The following XYLT1 variants were observed in gnomAD, a reference collection of about 807,000 sequenced individuals.
XYLT1 encodes beta-D-xylosyltransferase 1.
Under a neutral mutation model 91.3 loss-of-function variants are expected in XYLT1, and 36 were observed. The ratio of observed to expected loss-of-function variants is 0.39; its 90% CI spans 0.30 to 0.52. The LOEUF (loss-of-function observed/expected upper bound fraction) is 0.52, where lower values mean the gene tolerates loss of function less well. Ranked by LOEUF, XYLT1 falls within the 20% of genes least tolerant of loss-of-function variation. XYLT1 has a pLI of 0.68. For missense variants in XYLT1, 1,242 were observed against 1,284.5 expected (o/e 0.97, Z 0.51); for synonymous variants, 588 against 532.0 (o/e 1.11, Z -1.45).
At chr16:17,239,828 C>T (rs76615358) in intron 3 of XYLT1, among the ~76,000 whole-genome samples, 16,892 of 152,132 alleles carry the variant, frequency 0.11, 1,286 homozygotes, top group Admixed American at 0.23. Flanking sequence ...ATCTGTCTGT[C>T]CAATTCACTT....
At chr16:17,171,168 ATTATTG>A (rs1381079575) in intron 5 of XYLT1, among the ~76,000 whole-genome samples, 1 of 152,146 alleles carries the variant, frequency 6.6e-6, no homozygotes, top group Non-Finnish European at 1.5e-5. Flanking sequence ...GTCAGATCTT[ATTATTG>A]TTATTATTTT....
chr16:17,357,949 A>C (rs916758864), intron 2 of XYLT1, 63 bp downstream of exon 2: 5 of 1,576,976 alleles, frequency 3.2e-6, no homozygotes, highest in Non-Finnish European at 4.3e-6. Context: ...CCACGGGACA[A>C]GTCCCCTTGA....
In XYLT1 at chr16:17,295,813, C is replaced by T. The variant is rs537432183; in HGVS notation, c.403-36315G>A. Among the ~76,000 whole-genome samples the T allele has an allele frequency of 2.9e-4, 44 of 152,246 alleles. No individual in the cohort carries two copies. In the South Asian group the frequency reaches 6.0e-3, roughly 21 times the overall value. On this transcript the variant is annotated intron_variant, in intron 2 of 11. Transcript: ENST00000261381. Reference sequence around the variant, plus strand: ...GCTTAATATCCTGTAATGCACAGGACGACCCTCCACAACTAAGAATGATCT... The same window carrying T: ...GCTTAATATCCTGTAATGCACAGGATGACCCTCCACAACTAAGAATGATCT...
intron 11 of XYLT1, 56 bp from the exon 12 acceptor site, chr16:17,109,073 TTCATACTTACCCTGTGCC>T: frequency 6.8e-7 from 1 of 1,470,400 alleles, no homozygotes; most frequent in Non-Finnish European, 9.0e-7. Flanking sequence ...AGGATGCCTA[TTCATACTTACCCTGTGCC>T]TGGTGCTGCA....
At chr16:17,453,792 G>GA (rs1382886564) in intron 1 of XYLT1, among the ~76,000 whole-genome samples, 6 of 151,984 alleles carry the variant, frequency 3.9e-5, no homozygotes, top group Admixed American at 6.6e-5. Flanking sequence ...GTGACATCTA[G>GA]AAAAAAAACA....
chr16:17,143,359 G>C (rs1035128457), intron 6 of XYLT1, among the ~76,000 whole-genome samples: 3 of 152,110 alleles, frequency 2.0e-5, no homozygotes, highest in Non-Finnish European at 4.4e-5. Context: ...CCATGGTACA[G>C]GTCAAGGAGA....
At chr16:17,141,456 G>A (rs2030972636) in intron 6 of XYLT1, 87 bp from the exon 7 acceptor site, 3 of 1,312,874 alleles carry the variant, frequency 2.3e-6, no homozygotes, top group African/African-American at 2.9e-5. Context: ...CACAATCATA[G>A]CGATGATGGC....
At position 17,321,097 on chromosome 16, in the gene XYLT1, G is replaced by A. The variant is rs553223162; in HGVS notation, c.402+36915C>T. ...CTCTGAGGCCCATTGGAATCACCTA[G>A]AGAGCTACGAATTACCCTGGAGTTG... On this transcript the variant is annotated intron_variant, in intron 2 of 11. Transcript: ENST00000261381. Among the ~76,000 whole-genome samples, 90 of 152,022 alleles carry A rather than the reference G, an allele frequency of 5.9e-4. 1 individual carries two copies. The highest frequency in any genetic ancestry group is 2.1e-3 in the African/African-American group (87 of 41,456).
intron 2 of XYLT1, among the ~76,000 whole-genome samples, chr16:17,329,099 A>G (rs977027195): frequency 3.3e-5 from 5 of 152,204 alleles, no homozygotes; most frequent in African/African-American, 1.2e-4. Flanking sequence ...CTCTCTCACA[A>G]CGGCTCAGCT....
In XYLT1 at chr16:17,254,865, AC is replaced by A. The variant is rs1460813704; in HGVS notation, c.913+4122del. Among the ~76,000 whole-genome samples, 16 of 152,244 alleles carry A rather than the reference AC, an allele frequency of 1.1e-4. No homozygotes were observed. The South Asian group carries it at 3.1e-3, about 30-fold the overall frequency. ...ATTTTTTGACTGCAAGGAGGTTGGC[AC>A]CCCTAACCCCAGAATTCTTCAAGGG... On this transcript the variant is annotated intron_variant, in intron 3 of 11. Transcript: ENST00000261381.
intron 2 of XYLT1, among the ~76,000 whole-genome samples, chr16:17,331,140 C>T (rs762362702): frequency 4.6e-5 from 7 of 152,230 alleles, no homozygotes; most frequent in Non-Finnish European, 7.3e-5. Context: ...TGTGCACAGG[C>T]GAGGCCGCCT....
Position 17,382,340 on chromosome 16 carries a change from C to T in XYLT1, c.364-24290G>A, listed in dbSNP as rs549375253. On this transcript the variant is annotated intron_variant, in intron 1 of 11. Transcript: ENST00000261381. The stretch of plus-strand genomic sequence containing the variant: ...TCCAAGGCACTGCTGCCCCATAAAA[C>T]TTTCTGTGATGATAGAAACAGTCTC... 1.3e-4 allele frequency among the ~76,000 whole-genome samples: 20 copies of T among 151,998 alleles called. No individual in the cohort carries two copies. In the South Asian group the frequency reaches 3.7e-3, roughly 28 times the overall value.
chr16:17,343,883 G>A (rs1221535922), intron 2 of XYLT1, among the ~76,000 whole-genome samples: 1 of 152,158 alleles, frequency 6.6e-6, no homozygotes, highest in African/African-American at 2.4e-5. Context: ...GGTCACATGA[G>A]GTCACTTGGA....
chr16:17,127,610 A>C lies in XYLT1; in HGVS notation c.2223+56T>G, dbSNP rs78992992. ...TAGAAGTGTCAGATAGTGGAGTAGAATCTGGCCGAGGGAAATGCAAAATAC... is the reference window on the plus strand; with the variant it reads ...TAGAAGTGTCAGATAGTGGAGTAGACTCTGGCCGAGGGAAATGCAAAATAC... On this transcript the variant is annotated intron_variant, in intron 10 of 11. Coordinates refer to ENST00000261381, the MANE Select transcript of XYLT1 (RefSeq NM_022166.4). 1.4e-3 allele frequency: 2,257 copies of C among 1,562,530 alleles called. 16 individuals carry two copies. In the African/African-American group the frequency reaches 0.018, roughly 13 times the overall value.
intron 5 of XYLT1, among the ~76,000 whole-genome samples, chr16:17,174,926 A>G (rs1464100372): frequency 1.3e-5 from 2 of 151,974 alleles, no homozygotes; most frequent in Non-Finnish European, 2.9e-5. Context: ...ATGCACCACC[A>G]CATCTGGCTA....
At chr16:17,387,030 T>A (rs755434334) in intron 1 of XYLT1, among the ~76,000 whole-genome samples, 5 of 152,074 alleles carry the variant, frequency 3.3e-5, no homozygotes, top group African/African-American at 7.2e-5. Context: ...CAGAGGAGGA[T>A]GATAAATGCC....
chr16:17,456,708 C>T (rs1040108198), intron 1 of XYLT1, among the ~76,000 whole-genome samples: 8 of 152,086 alleles, frequency 5.3e-5, no homozygotes, highest in South Asian at 2.1e-4. Context: ...TCTTTCTGTG[C>T]GGCACATGCA....
intron 2 of XYLT1, among the ~76,000 whole-genome samples, chr16:17,295,012 G>C (rs2034288477): frequency 6.6e-6 from 1 of 152,194 alleles, no homozygotes; most frequent in Non-Finnish European, 1.5e-5. Context: ...GCACAGAATA[G>C]GGTAGAAGAG....
chr16:17,108,305 T>A lies in XYLT1; in HGVS notation c.*390A>T, dbSNP rs554487577. On this transcript the variant is annotated 3_prime_UTR_variant, in exon 12 of 12. Transcript: ENST00000261381. ...CAGCTTCAACCAGAGCAGCTTGGAT[T>A]TCGTCAGCACCCTGAACCTCCACTT... The A allele has an allele frequency of 1.2e-5, 2 of 170,672 alleles. No homozygotes were observed. Among genetic ancestry groups the A allele is most frequent in the Non-Finnish European group, 2.5e-5 (2 of 80,438 alleles). 10.6% of individuals were successfully genotyped at this position (170,672 alleles called of 1,614,324 possible).
Sources: allele counts gnomAD v4.1 joint callset (sites outside exome capture counted in the v4.1 genomes callset), GRCh38; gene constraint gnomAD v4.1.1; transcripts MANE v1.5; gene names NCBI Gene and HGNC (gene_info 2026-07-23, HGNC 2026-07-21).